The following GPLD1 variants were observed in gnomAD, a reference collection of about 807,000 sequenced individuals.
GPLD1 encodes glycosylphosphatidylinositol specific phospholipase D1.
Under a neutral mutation model 112.6 loss-of-function variants are expected in GPLD1, and 84 were observed. That is an observed-to-expected ratio of 0.75 (90% CI 0.63 to 0.89). The LOEUF (loss-of-function observed/expected upper bound fraction) is 0.89. Ranked by LOEUF, GPLD1 falls within the 40% of genes least tolerant of loss-of-function variation. The probability of loss-of-function intolerance (pLI) is 0.00; values close to 1 mark genes in which losing one functional copy is unlikely to be tolerated. For synonymous variants in GPLD1, 386 were observed against 403.8 expected (o/e 0.96, Z 0.53); for missense variants, 1,044 against 1,051.5 (o/e 0.99, Z 0.10).
rs1762318531 is a variant in GPLD1, at chr6:24,428,903, C to T, written c.*129G>A. ...GGCTGTTAGTGTGTCTCTCTACTCCCAGGAGCCCCATGTCTATCAGGATCT... is the reference window on the plus strand; with the variant it reads ...GGCTGTTAGTGTGTCTCTCTACTCCTAGGAGCCCCATGTCTATCAGGATCT... On this transcript the variant is annotated 3_prime_UTR_variant, in exon 25 of 25. Transcript: ENST00000230036. 1 of 562,574 alleles carries T rather than the reference C, an allele frequency of 1.8e-6. No individual in the cohort carries two copies. 34.8% of individuals were successfully genotyped at this position (562,574 alleles called of 1,614,324 possible). A position where few individuals can be genotyped will look rare whatever the true frequency, so the allele number is the denominator to read the frequency against.
Position 24,427,581 on chromosome 6 carries a change from C to T in GPLD1, c.*1451G>A, listed in dbSNP as rs793679. 0.29 allele frequency among the ~76,000 whole-genome samples: 43,595 copies of T among 151,994 alleles called. 7,249 individuals carry two copies. The highest frequency in any genetic ancestry group is 0.42 in the Middle Eastern group (122 of 292). On this transcript the variant is annotated 3_prime_UTR_variant, in exon 25 of 25. Transcript: ENST00000230036. ...GGATTATCGGCCAGGTCCTGTGGCT[C>T]ACACATGTAATCCCAGCACTTTGGG...
chr6:24,435,824 C>CAAAAAAAAAAGAAAAA (rs1762556886), intron 22 of GPLD1: 1 of 32,898 alleles, frequency 3.0e-5, no homozygotes, highest in African/African-American at 9.2e-5. Flanking sequence ...GACGCTGTCT[C>CAAAAAAAAAAGAAAAA]AAAAAAAAAA....
At chr6:24,489,731 G>A (rs912045629), upstream of GPLD1, 3 of 654,480 alleles carry the variant, frequency 4.6e-6, no homozygotes, top group South Asian at 2.5e-5. Flanking sequence ...CTGTGCTCCT[G>A]GGGGGTGGGG....
At chr6:24,472,362 T>C (rs1763853868) in intron 7 of GPLD1, among the ~76,000 whole-genome samples, 1 of 152,236 alleles carries the variant, frequency 6.6e-6, no homozygotes, top group South Asian at 2.1e-4. Context: ...ATGATCATTT[T>C]GAAAAAGTAA....
At chr6:24,480,170 C>A (rs1322185996) in intron 2 of GPLD1, among the ~76,000 whole-genome samples, 1 of 152,224 alleles carries the variant, frequency 6.6e-6, no homozygotes, top group Non-Finnish European at 1.5e-5. Flanking sequence ...ACTTCAGATT[C>A]TTCCCTACCA....
At chr6:24,435,849 T>TAAAAAAAAAAAAAAA (rs1554129001) in intron 22 of GPLD1, 5 of 83,926 alleles carry the variant, frequency 6.0e-5, no homozygotes, top group Non-Finnish European at 1.1e-4. Flanking sequence ...AAAAAAAAAG[T>TAAAAAAAAAAAAAAA]TAAATAATGG....
At chr6:24,487,874 G>C (rs941829699) in intron 1 of GPLD1, among the ~76,000 whole-genome samples, 1 of 152,148 alleles carries the variant, frequency 6.6e-6, no homozygotes, top group Non-Finnish European at 1.5e-5. Flanking sequence ...TGAAAACTTA[G>C]CTGTAAAACT....
At chr6:24,483,698 A>G (rs1357433196) in intron 2 of GPLD1, among the ~76,000 whole-genome samples, 2 of 151,716 alleles carry the variant, frequency 1.3e-5, no homozygotes, top group South Asian at 4.2e-4. Flanking sequence ...AGATATGGAC[A>G]TGGTGAAGGC....
chr6:24,441,364 A>C (rs1437392172), intron 20 of GPLD1, among the ~76,000 whole-genome samples: 2 of 152,078 alleles, frequency 1.3e-5, no homozygotes, highest in African/African-American at 4.8e-5. Context: ...TGTGCCTTAT[A>C]GCTGTGATTC....
intron 17 of GPLD1, 72 bp downstream of exon 17, chr6:24,447,805 C>A (rs1467811832): frequency 1.4e-6 from 2 of 1,382,222 alleles, no homozygotes; most frequent in Non-Finnish European, 2.0e-6. Flanking sequence ...AGGATATAAA[C>A]CCCTATGCAG....
chr6:24,482,317 G>A (rs542867340), intron 2 of GPLD1, among the ~76,000 whole-genome samples: 1 of 151,486 alleles, frequency 6.6e-6, no homozygotes, highest in African/African-American at 2.4e-5. Context: ...ATCTCGCTCT[G>A]TCACCCAGGC....
intron 6 of GPLD1, among the ~76,000 whole-genome samples, chr6:24,472,900 C>T (rs1038309823): frequency 2.6e-5 from 4 of 151,982 alleles, no homozygotes; most frequent in South Asian, 4.2e-4. Context: ...CTCAGCCTCC[C>T]TCGTAGCTGG....
intron 6 of GPLD1, 85 bp from the exon 7 acceptor site, chr6:24,472,721 G>A (rs1763864722): frequency 6.5e-6 from 5 of 771,044 alleles, no homozygotes; most frequent in Non-Finnish European, 2.3e-6. Context: ...TGACAAGTTG[G>A]ATTATTAGTT....
At position 24,436,752 on chromosome 6, in the gene GPLD1, A is replaced by G; in HGVS notation, c.2198-16T>C. The G allele has an allele frequency of 6.2e-7, 1 of 1,611,566 alleles. No homozygotes were observed. On this transcript the variant is annotated splice_polypyrimidine_tract_variant and intron_variant, in intron 21 of 24. Coordinates refer to ENST00000230036, the MANE Select transcript of GPLD1 (RefSeq NM_001503.4). Reference sequence around the variant, plus strand: ...ATGATTTCATCTGAAAACAATAAAAACCGACAGAAGGAAGTATTTGACTCC... The same window carrying G: ...ATGATTTCATCTGAAAACAATAAAAGCCGACAGAAGGAAGTATTTGACTCC...
rs907112605 is a variant in GPLD1, at chr6:24,495,171, C to T, written n.35G>A. 6.5e-5 allele frequency: 97 copies of T among 1,494,022 alleles called. No homozygotes were observed. In the African/African-American group the frequency reaches 1.3e-3, roughly 20 times the overall value. The allele number at this position is 1,494,022 out of a possible 1,614,324, so 92.5% of individuals were successfully genotyped here. ...CCTGGCGGGCCTCTCTGCGGCGCTG[C>T]TGCGCACCGACAGCTTCGTGGGCGG... On this transcript the variant is annotated non_coding_transcript_exon_variant, in exon 1 of 11. Transcript: ENST00000474784.
intron 13 of GPLD1, 86 bp downstream of exon 13, chr6:24,456,412 A>G (rs1055325443): frequency 3.3e-6 from 3 of 900,766 alleles, no homozygotes; most frequent in Admixed American, 2.5e-5. Context: ...AAAATAAAAT[A>G]AAATGAAATA....
chr6:24,494,292 G>A (rs1211227664), upstream of GPLD1, among the ~76,000 whole-genome samples: 2 of 152,180 alleles, frequency 1.3e-5, no homozygotes, highest in Non-Finnish European at 2.9e-5. Flanking sequence ...ACTGGACTAA[G>A]GTTAACCTGT....
At chr6:24,484,568 C>T (rs534394023) in intron 2 of GPLD1, among the ~76,000 whole-genome samples, 3 of 152,254 alleles carry the variant, frequency 2.0e-5, no homozygotes, top group Non-Finnish European at 4.4e-5. Context: ...TGAAAGGGAG[C>T]GTCTGTGTCC....
chr6:24,434,417 T>C (rs576607886), intron 22 of GPLD1, among the ~76,000 whole-genome samples: 172 of 150,692 alleles, frequency 1.1e-3, no homozygotes, highest in Middle Eastern at 0.011. Flanking sequence ...AGTTACAAAA[T>C]TATGCACAAA....
Sources: gnomAD v4.1 joint callset for allele counts (sites outside exome capture counted in the v4.1 genomes callset) on GRCh38, gnomAD v4.1.1 for gene constraint, MANE v1.5 for transcripts, NCBI Gene and HGNC (gene_info 2026-07-23, HGNC 2026-07-21) for gene names.